NUP85: variants seen among roughly 807,000 people sequenced by gnomAD.
NUP85 encodes nuclear pore complex protein Nup85.
Under a neutral mutation model 92.8 loss-of-function variants are expected in NUP85, and 23 were observed. The ratio of observed to expected loss-of-function variants is 0.25; its 90% confidence interval spans 0.18 to 0.35. The LOEUF is 0.35. NUP85 is among the 10% of genes least tolerant of loss of function. The probability of loss-of-function intolerance (pLI) is 1.00; values close to 1 mark genes in which losing one functional copy is unlikely to be tolerated. For synonymous variants in NUP85, 314 were observed against 306.9 expected, an observed-to-expected ratio of 1.02 and a Z score of -0.24; for missense variants, 759 against 822.8, an observed-to-expected ratio of 0.92 and a Z score of 0.95.
chr17:75,218,063 C>CTTAAAAGGGA, intron 6 of NUP85, 122 bp from the exon 7 acceptor site: 1 of 1,313,932 alleles, frequency 7.6e-7, no homozygotes, highest in Non-Finnish European at 1.1e-6. Context: ...TGTGTGACTG[C>CTTAAAAGGGA]TTAAAAGGGA....
At chr17:75,229,892 C>T (rs1372242111) in intron 11 of NUP85, among the ~76,000 whole-genome samples, 2 of 152,000 alleles carry the variant, frequency 1.3e-5, no homozygotes, top group South Asian at 2.1e-4. Context: ...CCAATGGTTT[C>T]GACATAACCA....
In NUP85 at chr17:75,231,418, C is replaced by T. The variant is rs759915823; in HGVS notation, c.1173C>T (p.Asn391=). The T allele has an allele frequency of 6.2e-7, 1 of 1,614,188 alleles. No individual in the cohort carries two copies. The highest frequency in any genetic ancestry group is 8.5e-7 in the Non-Finnish European group (1 of 1,180,006). The change falls in exon 12 of 19, where the codon AAC becomes AAT. Residue 391 remains asparagine (N), a synonymous_variant. Transcript: ENST00000245544. This position sits in a 1 kb window ranked among gnomAD's most constrained non-coding sequence, Gnocchi z 4.6. ...LDHCKLLQSH[N]LYFGSNMREF... ...ACTGCAAGCTCCTCCAGTCACACAA[C>T]CTCTAGTAAGTGGCCGGGAGGCACC...
intron 3 of NUP85, among the ~76,000 whole-genome samples, chr17:75,210,764 C>T (rs867373751): frequency 9.9e-5 from 15 of 152,078 alleles, no homozygotes; most frequent in East Asian, 1.9e-4. Flanking sequence ...TGCAGTGACG[C>T]GTTCTCCGCT....
chr17:75,231,048 CAGCTTCTCGAGT>C lies in NUP85; in HGVS notation c.1095-287_1095-276del, dbSNP rs2076037079. 2.8e-6 allele frequency: 1 copy of C among 362,628 alleles called. No homozygotes were observed. Among genetic ancestry groups the C allele is most frequent in the African/African-American group, 2.1e-5 (1 of 47,600 alleles). 22.5% of individuals were successfully genotyped at this position (362,628 alleles called of 1,614,324 possible). A position where few individuals can be genotyped will look rare whatever the true frequency, so the allele number is the denominator to read the frequency against. Reference sequence around the variant, plus strand: ...CCAGGCTCAAGCAATACTCCCACCCCAGCTTCTCGAGTAGCTGGGATTACAGGTGTGTGCCAC... The same window carrying C: ...CCAGGCTCAAGCAATACTCCCACCCCAGCTGGGATTACAGGTGTGTGCCAC... On this transcript the variant is annotated intron_variant, in intron 11 of 18. Transcript: ENST00000245544. The surrounding 1 kb of genome is among the most constrained non-coding windows in gnomAD (Gnocchi z 4.6).
Position 75,205,696 on chromosome 17 carries a change from G to A in NUP85, c.-66G>A, listed in dbSNP as rs2075053671. On this transcript the variant is annotated 5_prime_UTR_variant, in exon 1 of 19. Transcript: ENST00000245544. ...GGAGTCTTGTCTCGCAGCCAGCTCT[G>A]AGCGGGAGGCCTGAGCGGGAAGCAT... 2 of 1,602,278 alleles carry A rather than the reference G, an allele frequency of 1.2e-6. No individual in the cohort carries two copies. Among genetic ancestry groups the A allele is most frequent in the Admixed American group, 1.7e-5 (1 of 59,950 alleles).
intron 6 of NUP85, 76 bp from the exon 7 acceptor site, chr17:75,218,109 C>T (rs919615340): frequency 1.3e-6 from 2 of 1,598,688 alleles, no homozygotes; most frequent in Non-Finnish European, 1.7e-6. Context: ...CCTTAAAGTT[C>T]TCTGTTCCTT....
intron 5 of NUP85, among the ~76,000 whole-genome samples, chr17:75,215,266 A>G (rs1046348004): frequency 2.6e-5 from 4 of 152,188 alleles, no homozygotes; most frequent in African/African-American, 9.7e-5. Flanking sequence ...AGGCTGGAAT[A>G]GTGGCACGAT....
rs1173807104 is a variant in NUP85 at position 75,209,893 on chromosome 17, A to C, written c.198A>C (p.Gln66His). 6.3e-7 allele frequency: 1 copy of C among 1,587,522 alleles called. No individual in the cohort carries two copies. Among genetic ancestry groups the C allele is most frequent in the Non-Finnish European group, 8.5e-7 (1 of 1,173,402 alleles). Residue 66 changes from glutamine (Q) to histidine (H), a missense_variant, in exon 3 of 19, where the codon CAA becomes CAC. Coordinates refer to ENST00000245544, the MANE Select transcript of NUP85 (RefSeq NM_024844.5). ...IIRKDVDVYS[Q>H]ILRKLFNESH... Reference sequence around the variant, plus strand: ...GTAAGGATGTAGATGTTTACTCTCAAATCTTGAGAAAACTCTTCAATGAAT... The same window carrying C: ...GTAAGGATGTAGATGTTTACTCTCACATCTTGAGAAAACTCTTCAATGAAT...
At chr17:75,211,484 T>A (rs1366890520) in intron 3 of NUP85, among the ~76,000 whole-genome samples, 1 of 149,962 alleles carries the variant, frequency 6.7e-6, no homozygotes, top group Admixed American at 6.7e-5. Flanking sequence ...TGGAGTGCAA[T>A]GGCATGATCT....
At position 75,231,184 on chromosome 17, in the gene NUP85, C is replaced by T. The variant is rs557657255; in HGVS notation, c.1095-156C>T. 54 of 721,350 alleles carry T rather than the reference C, an allele frequency of 7.5e-5. No individual in the cohort carries two copies. Among genetic ancestry groups the T allele is most frequent in the Non-Finnish European group, 1.2e-4 (50 of 419,216 alleles). The allele number at this position is 721,350 out of a possible 1,614,324, so 44.7% of individuals were successfully genotyped here. ...ACTCAGGTGATCTGCCTGCCTTGGC[C>T]TCCCAAAGTACTGGGATCACGGGCA... On this transcript the variant is annotated intron_variant, in intron 11 of 18. Transcript: ENST00000245544. This position sits in a 1 kb window ranked among gnomAD's most constrained non-coding sequence, Gnocchi z 4.6.
Position 75,218,171 on chromosome 17 carries a change from G to C in NUP85, c.476-14G>C, listed in dbSNP as rs750445456. ...GCTGAGGCTTTTGTGTGTGATGAGA[G>C]TCTCTCCTCCCAGCTGGCCCTCTCC... is the stretch of plus-strand genomic sequence containing the variant. On this transcript the variant is annotated splice_polypyrimidine_tract_variant and intron_variant, in intron 6 of 18. Transcript: ENST00000245544. The C allele has an allele frequency of 1.9e-6, 3 of 1,613,652 alleles. No homozygotes were observed. The African/African-American group carries it at 4.0e-5, about 22-fold the overall frequency.
chr17:75,219,472 C>G (rs953341262), intron 7 of NUP85, among the ~76,000 whole-genome samples: 1 of 151,968 alleles, frequency 6.6e-6, no homozygotes, highest in African/African-American at 2.4e-5. Flanking sequence ...TGAGGTTTCA[C>G]TGTATTACCC....
intron 5 of NUP85, among the ~76,000 whole-genome samples, chr17:75,213,350 G>A (rs909885983): frequency 2.0e-5 from 3 of 151,036 alleles, no homozygotes; most frequent in African/African-American, 7.3e-5. Flanking sequence ...TTTTGAGATG[G>A]AGTCTTGCTC....
chr17:75,225,659 G>A (rs1223820197), intron 9 of NUP85, 39 bp from the exon 10 acceptor site: 5 of 1,611,848 alleles, frequency 3.1e-6, no homozygotes, highest in Non-Finnish European at 4.2e-6. Flanking sequence ...AGGTACCCCT[G>A]AGAGGAGGAC....
At chr17:75,234,036 T>C (rs2145433542) in intron 16 of NUP85, among the ~76,000 whole-genome samples, 1 of 141,434 alleles carries the variant, frequency 7.1e-6, no homozygotes, top group East Asian at 2.2e-4. Flanking sequence ...GCCTGGCCAG[T>C]GCCTCCATGT....
intron 5 of NUP85, among the ~76,000 whole-genome samples, chr17:75,215,489 A>C (rs12453288): frequency 0.91 from 138,712 of 152,168 alleles, 64,292 homozygotes; most frequent in Non-Finnish European, 1. Flanking sequence ...GGATTACAGG[A>C]ATGAGCCACT....
rs189008806 is a variant in NUP85 at position 75,223,157 on chromosome 17, G to A, written c.598-1946G>A. Among the ~76,000 whole-genome samples, 20 of 151,932 alleles carry A rather than the reference G, an allele frequency of 1.3e-4. No individual in the cohort carries two copies. In the East Asian group the frequency reaches 3.9e-3, roughly 29 times the overall value. ...ACTAGAAAGCACTTCAGTACTACAC[G>A]TGGGGACCCAAGAAAATGTACAAAA... On this transcript the variant is annotated intron_variant, in intron 7 of 18. Transcript: ENST00000245544.
At position 75,226,154 on chromosome 17, in the gene NUP85, G is replaced by A; in HGVS notation, c.1091G>A (p.Cys364Tyr). 1.2e-6 allele frequency: 2 copies of A among 1,612,902 alleles called. No individual in the cohort carries two copies. The highest frequency in any genetic ancestry group is 1.3e-5 in the African/African-American group (1 of 74,982). Reference sequence around the variant, plus strand: ...GACATCCATCAAGTAATCAAAGAGTGCAGGTAGGATCTCTCCCACCCCCCA... The same window carrying A: ...GACATCCATCAAGTAATCAAAGAGTACAGGTAGGATCTCTCCCACCCCCCA... The part of the protein sequence containing the change: ...EFDIHQVIKE[C>Y]SIALSNWWFV... The change falls in exon 11 of 19, where the codon TGC (cysteine) becomes TAC (tyrosine). Residue 364 changes from cysteine to tyrosine, a missense_variant. Transcript: ENST00000245544.
chr17:75,234,645 C>T lies in NUP85; in HGVS notation c.1624C>T (p.Arg542Cys), dbSNP rs746923382. 8 of 1,613,964 alleles carry T rather than the reference C, an allele frequency of 5.0e-6. No homozygotes were observed. The highest frequency in any genetic ancestry group is 4.4e-5 in the South Asian group (4 of 91,092). The change falls in exon 17 of 19, where the codon CGC (arginine) becomes TGC (cysteine). Residue 542 changes from arginine to cysteine, a missense_variant. Transcript: ENST00000245544. The part of the protein sequence containing the change: ...SDRLTFLGKY[R>C]EFHRMYGEKR... Reference sequence around the variant, plus strand: ...CTCTTGTTTCGCCATAGGAAAGTATCGCGAGTTCCACCGTATGTACGGGGA... The same window carrying T: ...CTCTTGTTTCGCCATAGGAAAGTATTGCGAGTTCCACCGTATGTACGGGGA...
Sources: allele counts gnomAD v4.1 joint callset (sites outside exome capture counted in the v4.1 genomes callset), GRCh38; gene constraint gnomAD v4.1.1; non-coding constraint Gnocchi (gnomAD v3.1); transcripts MANE v1.5; gene names NCBI Gene and HGNC (gene_info 2026-07-23, HGNC 2026-07-21).